GATAD1: variants seen among roughly 807,000 people sequenced by gnomAD.
The protein encoded by GATAD1 is GATA zinc finger domain containing 1, also known as GATA zinc finger domain-containing protein 1.
In GATAD1, 12 loss-of-function variants were observed where a neutral mutation model predicts 26.5. The ratio of observed to expected loss-of-function variants is 0.45; its 90% CI spans 0.29 to 0.73. The LOEUF (loss-of-function observed/expected upper bound fraction) is 0.73, where lower values mean the gene tolerates loss of function less well. Among genes scored for constraint, GATAD1 ranks in the 30% least tolerant of loss-of-function variants. The pLI is 0.10. For missense variants in GATAD1, 266 were observed against 342.1 expected (o/e 0.78, Z 1.75); for synonymous variants, 129 against 133.1 (o/e 0.97, Z 0.21).
chr7:92,484,378 GC>G, the GATAD1 span, among the ~76,000 whole-genome samples: 1 of 152,062 alleles, frequency 6.6e-6, no homozygotes, highest in South Asian at 2.1e-4. Context: ...GGCGTCCCCT[GC>G]TTTTGCAGTT....
At position 92,457,547 on chromosome 7, in the gene GATAD1, C is replaced by T. The variant is rs1386414272; in HGVS notation, c.*985C>T. 1 of 152,138 alleles carries T rather than the reference C, an allele frequency of 6.6e-6. No individual in the cohort carries two copies. Among genetic ancestry groups the T allele is most frequent in the Non-Finnish European group, 1.5e-5 (1 of 68,026 alleles). The allele number at this position is 152,138 out of a possible 1,614,324, so 9.4% of individuals were successfully genotyped here. A position where few individuals can be genotyped will look rare whatever the true frequency, so the allele number is the denominator to read the frequency against. On this transcript the variant is annotated 3_prime_UTR_variant, in exon 5 of 5. Transcript: ENST00000287957. ...AAATTATATTCTATATGTGTATCTT[C>T]CTAGGCAAAAGCTGTAATTTCCAGA... is the stretch of plus-strand genomic sequence containing the variant.
At chr7:92,488,163 G>A in the GATAD1 span, among the ~76,000 whole-genome samples, 2 of 152,162 alleles carry the variant, frequency 1.3e-5, no homozygotes, top group Non-Finnish European at 2.9e-5. Context: ...CAATTTTCAG[G>A]ATGTATGTGG....
At chr7:92,470,373 G>T in the GATAD1 span, 1 of 703,764 alleles carries the variant, frequency 1.4e-6, no homozygotes, top group African/African-American at 1.8e-5. Context: ...TATGATAAGG[G>T]AGGGCCATGG....
chr7:92,489,384 T>C, the GATAD1 span: 2 of 1,611,282 alleles, frequency 1.2e-6, no homozygotes, highest in Non-Finnish European at 1.7e-6. Context: ...ATAGCCAGTC[T>C]GGTTTTGATT....
the GATAD1 span, chr7:92,469,488 G>A: frequency 6.5e-6 from 5 of 767,898 alleles, no homozygotes; most frequent in East Asian, 4.9e-5. Flanking sequence ...CAGTGTAGAT[G>A]GTCATAGGGG....
the GATAD1 span, among the ~76,000 whole-genome samples, chr7:92,482,269 T>G: frequency 6.6e-6 from 1 of 152,074 alleles, no homozygotes; most frequent in Non-Finnish European, 1.5e-5. Flanking sequence ...AAAAGCATCT[T>G]TAAGATCAAG....
the GATAD1 span, among the ~76,000 whole-genome samples, chr7:92,486,613 C>T: frequency 6.6e-6 from 1 of 152,164 alleles, no homozygotes; most frequent in Non-Finnish European, 1.5e-5. Flanking sequence ...AAGTGATCCT[C>T]CTACCTCAGC....
downstream of GATAD1, among the ~76,000 whole-genome samples, chr7:92,460,853 T>C (rs1397107619): frequency 6.6e-6 from 1 of 152,112 alleles, no homozygotes; most frequent in Non-Finnish European, 1.5e-5. Flanking sequence ...CTGCAGCTAC[T>C]TTTTTCAGCT....
downstream of GATAD1, among the ~76,000 whole-genome samples, chr7:92,462,365 T>C (rs1241211665): frequency 6.7e-6 from 1 of 149,714 alleles, no homozygotes; most frequent in African/African-American, 2.4e-5. Flanking sequence ...GATTCTGATT[T>C]TGTAAAAAAA....
the GATAD1 span, among the ~76,000 whole-genome samples, chr7:92,466,523 T>C: frequency 6.6e-6 from 1 of 152,180 alleles, no homozygotes; most frequent in East Asian, 1.9e-4. Context: ...AACAAAATCT[T>C]CTCTCAACCC....
At chr7:92,480,560 T>C in the GATAD1 span, among the ~76,000 whole-genome samples, 1 of 152,172 alleles carries the variant, frequency 6.6e-6, no homozygotes, top group East Asian at 1.9e-4. Flanking sequence ...GAAGAGGTTA[T>C]GAAATGATGA....
chr7:92,449,469 C>A (rs1457363788), intron 2 of GATAD1: 2 of 973,328 alleles, frequency 2.1e-6, no homozygotes, highest in South Asian at 4.8e-5. Flanking sequence ...CAATTAAATT[C>A]TCAGTTTTTA....
rs1182937414 is a variant in GATAD1, at chr7:92,458,530, T to TA, written c.*1972dup. 6.6e-6 allele frequency: 1 copy of TA among 152,218 alleles called. No individual in the cohort carries two copies. The highest frequency in any genetic ancestry group is 2.4e-5 in the African/African-American group (1 of 41,464). The allele number at this position is 152,218 out of a possible 1,614,324, so 9.4% of individuals were successfully genotyped here. ...GCCGGTTAAGTAAGGGAGCAACACGTAAAATGGGAGAGGAGTGGGGTGTAC... is the reference window on the plus strand; with the variant it reads ...GCCGGTTAAGTAAGGGAGCAACACGTAAAAATGGGAGAGGAGTGGGGTGTAC... On this transcript the variant is annotated 3_prime_UTR_variant, in exon 5 of 5. Transcript: ENST00000287957.
downstream of GATAD1, among the ~76,000 whole-genome samples, chr7:92,463,662 CAA>C (rs34356967): frequency 1.9e-4 from 14 of 72,664 alleles, no homozygotes; most frequent in East Asian, 4.1e-4. Flanking sequence ...GATTCCGTCT[CAA>C]AAAAAAAAAA....
chr7:92,477,743 A>G, the GATAD1 span: 2 of 178,178 alleles, frequency 1.1e-5, no homozygotes, highest in East Asian at 1.6e-4. Context: ...TCAGGAGCAC[A>G]GCGGACACCC....
the GATAD1 span, among the ~76,000 whole-genome samples, chr7:92,486,718 A>ATATT: frequency 1.3e-5 from 2 of 152,070 alleles, no homozygotes; most frequent in Admixed American, 6.5e-5. Context: ...GCTTACTTGT[A>ATATT]TATTTTAATT....
At chr7:92,472,047 T>A in the GATAD1 span, 1 of 152,184 alleles carries the variant, frequency 6.6e-6, no homozygotes, top group Non-Finnish European at 1.5e-5. Context: ...GGAACTTCCA[T>A]CAGTATACAA....
At position 92,459,913 on chromosome 7, in the gene GATAD1, T is replaced by C. The variant is rs1349812912; in HGVS notation, c.*3351T>C. Among the ~76,000 whole-genome samples the C allele has an allele frequency of 6.6e-6, 1 of 152,260 alleles. No individual in the cohort carries two copies. Among genetic ancestry groups the C allele is most frequent in the East Asian group, 1.9e-4 (1 of 5,206 alleles). On this transcript the variant is annotated 3_prime_UTR_variant, in exon 5 of 5. Coordinates refer to ENST00000287957, the MANE Select transcript of GATAD1 (RefSeq NM_021167.5). ...AATTCATATTAACTTTGGCTGAAAC[T>C]TTTAAATTCTATTGTGAATAGTCAA...
chr7:92,491,270 A>G, the GATAD1 span: 2 of 1,576,896 alleles, frequency 1.3e-6, no homozygotes, highest in Non-Finnish European at 1.7e-6. Flanking sequence ...TGCACAAGAT[A>G]CCAAATCAGA....
Sources: gnomAD v4.1 joint callset for allele counts (sites outside exome capture counted in the v4.1 genomes callset) on GRCh38, gnomAD v4.1.1 for gene constraint, MANE v1.5 for transcripts, NCBI Gene and HGNC (gene_info 2026-07-23, HGNC 2026-07-21) for gene names.